XDH: variants seen among roughly 807,000 people sequenced by gnomAD.
The protein encoded by XDH is xanthine dehydrogenase, also known as xanthine dehydrogenase/oxidase.
In XDH, 138 loss-of-function variants were observed where a neutral mutation model predicts 156.1. The observed-to-expected ratio is 0.88, with a 90% confidence interval of 0.77 to 1.02. The LOEUF is 1.02. XDH is among the 50% of genes least tolerant of loss of function. The pLI is 0.00. For synonymous variants in XDH, 669 were observed against 625.7 expected (o/e 1.07, Z -1.03); for missense variants, 1,849 against 1,684.9 (o/e 1.10, Z -1.71).
At chr2:31,400,636 A>C (rs542778515) in intron 4 of XDH, among the ~76,000 whole-genome samples, 48 of 152,202 alleles carry the variant, frequency 3.2e-4, no homozygotes, top group Non-Finnish European at 5.4e-4. Context: ...TTCGGATTTC[A>C]ATGCATTTTC....
In XDH at chr2:31,401,303, C is replaced by G. The variant is rs745578153; in HGVS notation, c.223G>C (p.Ala75Pro). Reference sequence around the variant, plus strand: ...ACATGGTGCAAGGAGCAGATGGGGGCCAGGCAGGCATTGGCAGAAAAGTGG... The same window carrying G: ...ACATGGTGCAAGGAGCAGATGGGGGGCAGGCAGGCATTGGCAGAAAAGTGG... ...IVHFSANACL[A>P]PICSLHHVAV... The change falls in exon 4 of 36, where the codon GCC (alanine) becomes CCC (proline). Residue 75 changes from alanine (A) to proline (P), a missense_variant. Coordinates refer to ENST00000379416, the MANE Select transcript of XDH (RefSeq NM_000379.4). 1 of 1,614,200 alleles carries G rather than the reference C, an allele frequency of 6.2e-7. No homozygotes were observed. The highest frequency in any genetic ancestry group is 8.5e-7 in the Non-Finnish European group (1 of 1,180,024).
intron 6 of XDH, among the ~76,000 whole-genome samples, chr2:31,390,719 G>C (rs1186553445): frequency 1.3e-5 from 2 of 152,166 alleles, no homozygotes; most frequent in African/African-American, 4.8e-5. Context: ...ACCTGTGGTG[G>C]TATTTCACTG....
At chr2:31,373,366 C>T (rs1479020555) in intron 16 of XDH, among the ~76,000 whole-genome samples, 1 of 152,162 alleles carries the variant, frequency 6.6e-6, no homozygotes, top group East Asian at 1.9e-4. Flanking sequence ...TATTGGAAGG[C>T]AACACACTCA....
chr2:31,339,417 G>A, intron 34 of XDH, 72 bp downstream of exon 34: 1 of 1,601,800 alleles, frequency 6.2e-7, no homozygotes, highest in South Asian at 1.1e-5. Flanking sequence ...GGTCACTGAG[G>A]CCTCTCATCA....
intron 33 of XDH, 130 bp downstream of exon 33, chr2:31,341,199 T>C (rs1685114747): frequency 2.1e-6 from 2 of 959,680 alleles, no homozygotes; most frequent in Admixed American, 4.0e-5. Flanking sequence ...TGGGGGAAAC[T>C]CCCTAGGTTC....
intron 5 of XDH, 141 bp downstream of exon 5, chr2:31,398,432 T>C: frequency 6.7e-7 from 1 of 1,495,478 alleles, no homozygotes; most frequent in Non-Finnish European, 9.2e-7. Flanking sequence ...TTCTAGCAGA[T>C]CTTAGTCACC....
chr2:31,402,977 A>G (rs1477531413), intron 3 of XDH, 71 bp downstream of exon 3: 12 of 1,547,608 alleles, frequency 7.8e-6, no homozygotes, highest in Non-Finnish European at 1.1e-5. Context: ...ACATACACTC[A>G]TGCACTCCCT....
In XDH at chr2:31,377,113, T is replaced by C. The variant is rs765594300; in HGVS notation, c.1367A>G (p.Tyr456Cys). ...TTEVQELALC[Y>C]GGMANRTISA... The stretch of plus-strand genomic sequence containing the variant: ...GATGGTTCTGTTGGCCATTCCACCA[T>C]AGCAAAGGGCCAGCTCCTGTACCTC... The change falls in exon 14 of 36, where the codon TAT (tyrosine) becomes TGT (cysteine). Residue 456 changes from tyrosine (Y) to cysteine (C), a missense_variant. Transcript: ENST00000379416. 1.7e-5 allele frequency: 28 copies of C among 1,614,014 alleles called. No individual in the cohort carries two copies. The highest frequency in any genetic ancestry group is 5.3e-5 in the African/African-American group (4 of 74,898).
chr2:31,377,652 C>T (rs1322503321), intron 13 of XDH, among the ~76,000 whole-genome samples: 3 of 152,092 alleles, frequency 2.0e-5, no homozygotes, highest in African/African-American at 7.2e-5. Flanking sequence ...GGCTGTTTGG[C>T]CTTTGGCATC....
In XDH at chr2:31,383,754, C is replaced by T; in HGVS notation, c.886+1G>A. ...TAAGCTTGGAGTGAACCTCCTCTTA[C>T]CGTCGGGTCCATGTTCTACCGAATT... On this transcript the variant is annotated splice_donor_variant, in intron 10 of 35. Transcript: ENST00000379416. LOFTEE classifies it high-confidence loss of function. 3 of 1,613,610 alleles carry T rather than the reference C, an allele frequency of 1.9e-6. No homozygotes were observed. Among genetic ancestry groups the T allele is most frequent in the Non-Finnish European group, 1.7e-6 (2 of 1,179,840 alleles).
rs1684922200 is a variant in XDH, at chr2:31,334,390, TCCATGG to T, written c.*1562_*1567del. 6.6e-6 allele frequency: 1 copy of T among 152,162 alleles called. No individual in the cohort carries two copies. The highest frequency in any genetic ancestry group is 2.1e-4 in the South Asian group (1 of 4,824). The allele number at this position is 152,162 out of a possible 1,614,324, so 9.4% of individuals were successfully genotyped here. A position where few individuals can be genotyped will look rare whatever the true frequency, so the allele number is the denominator to read the frequency against. On this transcript the variant is annotated 3_prime_UTR_variant, in exon 36 of 36. Coordinates refer to ENST00000379416, the MANE Select transcript of XDH (RefSeq NM_000379.4). ...ACTATATCATTTCCACTATCCTCCCTCCATGGCCAGAACCACAGATTCTCTCTGGCA... is the reference window on the plus strand; with the variant it reads ...ACTATATCATTTCCACTATCCTCCCTCCAGAACCACAGATTCTCTCTGGCA...
chr2:31,347,389 G>C, intron 29 of XDH, 133 bp downstream of exon 29: 1 of 1,352,634 alleles, frequency 7.4e-7, no homozygotes, highest in Non-Finnish European at 1.0e-6. Context: ...CATCCTCCTG[G>C]ATAAGGGAGC....
rs946196885 is a variant in XDH at position 31,335,030 on chromosome 2, C to A, written c.*928G>T. 2 of 152,004 alleles carry A rather than the reference C, an allele frequency of 1.3e-5. No homozygotes were observed. Among genetic ancestry groups the A allele is most frequent in the South Asian group, 2.1e-4 (1 of 4,810 alleles). The allele number at this position is 152,004 out of a possible 1,614,324, so 9.4% of individuals were successfully genotyped here. A position where few individuals can be genotyped will look rare whatever the true frequency, so the allele number is the denominator to read the frequency against. ...GACTACAGGCATGCACTATCAAGAC[C>A]AACTAATTAAAAAAATTTTTTTTAA... On this transcript the variant is annotated 3_prime_UTR_variant, in exon 36 of 36. Coordinates refer to ENST00000379416, the MANE Select transcript of XDH (RefSeq NM_000379.4).
chr2:31,382,416 G>T (rs116648715), intron 11 of XDH, among the ~76,000 whole-genome samples: 2,516 of 152,294 alleles, frequency 0.017, 36 homozygotes, highest in Middle Eastern at 0.048. Context: ...AAATGGAAGA[G>T]ATAGCTTTTC....
rs1235733366 is a variant in XDH at position 31,374,793 on chromosome 2, G to A, written c.1602+587C>T. ...CTCCCCGACACTGAGCTGCCCCCTA[G>A]CACCTCATGCAACCTGGCATAGGAT... On this transcript the variant is annotated intron_variant, in intron 15 of 35. Transcript: ENST00000379416. 6.6e-5 allele frequency among the ~76,000 whole-genome samples: 10 copies of A among 152,092 alleles called. No individual in the cohort carries two copies. The East Asian group carries it at 1.9e-3, about 29-fold the overall frequency.
At chr2:31,404,340 A>G (rs1447117678) in intron 2 of XDH, among the ~76,000 whole-genome samples, 1 of 152,238 alleles carries the variant, frequency 6.6e-6, no homozygotes, top group Non-Finnish European at 1.5e-5. Context: ...GAATGGTGGC[A>G]GTACAAAGTC....
chr2:31,348,310 C>A lies in XDH; in HGVS notation c.3105G>T (p.Gly1035=). 4 of 1,614,192 alleles carry A rather than the reference C, an allele frequency of 2.5e-6. No homozygotes were observed. The highest frequency in any genetic ancestry group is 1.6e-4 in the Middle Eastern group (1 of 6,062). The change falls in exon 28 of 36, where the codon GGG becomes GGT. Residue 1035 remains glycine, a synonymous_variant. Coordinates refer to ENST00000379416, the MANE Select transcript of XDH (RefSeq NM_000379.4). ...YTDGSVLLTH[G]GTEMGQGLHT... is the part of the protein sequence containing the mutation. ...GAAGGCCTTGGCCCATCTCAGTCCC[C>A]CCGTGGGTCAGCAGCACAGAGCCAT...
At chr2:31,385,200 A>G (rs547808218) in intron 9 of XDH, among the ~76,000 whole-genome samples, 18 of 146,740 alleles carry the variant, frequency 1.2e-4, no homozygotes, top group Admixed American at 7.3e-4. Flanking sequence ...GTCTTTGAGG[A>G]AAAAAAAAGA....
chr2:31,342,632 C>T (rs925243945), intron 31 of XDH, among the ~76,000 whole-genome samples: 23 of 152,256 alleles, frequency 1.5e-4, no homozygotes, highest in African/African-American at 5.3e-4. Context: ...AAGTCACACT[C>T]CAAAGGATGT....
Sources: gnomAD v4.1 joint callset for allele counts (sites outside exome capture counted in the v4.1 genomes callset) on GRCh38, gnomAD v4.1.1 for gene constraint, MANE v1.5 for transcripts, NCBI Gene and HGNC (gene_info 2026-07-23, HGNC 2026-07-21) for gene names.